Variants in GRAP2 observed in about 807,000 individuals in gnomAD.
GRAP2 encodes the protein GRB2-related adapter protein 2.
In GRAP2, 31 loss-of-function variants were observed where a neutral mutation model predicts 43.5. The ratio of observed to expected loss-of-function variants is 0.71; its 90% CI spans 0.54 to 0.96. The LOEUF is 0.96. GRAP2 is among the 40% of genes least tolerant of loss of function. The pLI is 0.00. For missense variants in GRAP2, 371 were observed against 424.4 expected, an observed-to-expected ratio of 0.87 and a Z score of 1.11; for synonymous variants, 156 against 164.8, an observed-to-expected ratio of 0.95 and a Z score of 0.41.
Position 39,947,093 on chromosome 22 carries a change from CT to C in GRAP2, c.-12del. The C allele has an allele frequency of 1.9e-6, 3 of 1,563,316 alleles. No homozygotes were observed. The highest frequency in any genetic ancestry group is 2.6e-6 in the Non-Finnish European group (3 of 1,133,550). On this transcript the variant is annotated splice_region_variant and 5_prime_UTR_variant, in exon 2 of 8. Coordinates refer to ENST00000344138, the MANE Select transcript of GRAP2 (RefSeq NM_004810.4). ...AATGACCACATTATTTCTCTTCCAG[CT>C]TCACGTTACAGCATGGAAGCTGTTG... is the stretch of plus-strand genomic sequence containing the variant.
chr22:39,947,377 C>T, intron 2 of GRAP2, 193 bp downstream of exon 2: 2 of 580,828 alleles, frequency 3.4e-6, no homozygotes, highest in Non-Finnish European at 6.3e-6. Flanking sequence ...GCATAAGCCA[C>T]CATCCTTGTC....
intron 1 of GRAP2, among the ~76,000 whole-genome samples, chr22:39,923,910 A>G (rs2066675262): frequency 6.6e-6 from 1 of 152,228 alleles, no homozygotes; most frequent in African/African-American, 2.4e-5. Flanking sequence ...CCATTGGATC[A>G]GTAGGGAAAT....
chr22:39,926,651 C>G (rs543432656), intron 1 of GRAP2: 28 of 985,090 alleles, frequency 2.8e-5, no homozygotes, highest in Non-Finnish European at 3.3e-5. Context: ...TCCTCAATCG[C>G]TGGCTCTCAG....
intron 5 of GRAP2, among the ~76,000 whole-genome samples, chr22:39,967,453 T>C (rs1407221241): frequency 6.6e-6 from 1 of 152,222 alleles, no homozygotes; most frequent in East Asian, 1.9e-4. Context: ...GGGTCCTACA[T>C]AATTGTTTGT....
chr22:39,908,578 G>A (rs558657957), intron 1 of GRAP2, among the ~76,000 whole-genome samples: 9 of 152,154 alleles, frequency 5.9e-5, no homozygotes, highest in East Asian at 3.9e-4. Context: ...TTTTTATTAC[G>A]AACAGTTATA....
upstream of GRAP2, among the ~76,000 whole-genome samples, chr22:39,897,082 C>T (rs924930120): frequency 4.6e-5 from 7 of 152,204 alleles, no homozygotes; most frequent in Non-Finnish European, 1.0e-4. Context: ...AAATACTCTT[C>T]GATTCTGACA....
intron 1 of GRAP2, among the ~76,000 whole-genome samples, chr22:39,901,989 C>T (rs2066496471): frequency 6.6e-6 from 1 of 152,196 alleles, no homozygotes; most frequent in Non-Finnish European, 1.5e-5. Flanking sequence ...ATTGAACATA[C>T]CAACCAAAGG....
At position 39,973,197 on chromosome 22, in the gene GRAP2, G is replaced by A. The variant is rs534104293; in HGVS notation, c.*2113G>A. 6.6e-6 allele frequency: 1 copy of A among 152,418 alleles called. No individual in the cohort carries two copies. The highest frequency in any genetic ancestry group is 1.5e-5 in the Non-Finnish European group (1 of 68,042). The allele number at this position is 152,418 out of a possible 1,614,324, so 9.4% of individuals were successfully genotyped here. A position where few individuals can be genotyped will look rare whatever the true frequency, so the allele number is the denominator to read the frequency against. Reference sequence around the variant, plus strand: ...ATTTACAAACCATATGCTTTAAACAGCCCACAAACTCCATCCAGTTGTCTG... The same window carrying A: ...ATTTACAAACCATATGCTTTAAACAACCCACAAACTCCATCCAGTTGTCTG... On this transcript the variant is annotated 3_prime_UTR_variant, in exon 8 of 8. Coordinates refer to ENST00000344138, the MANE Select transcript of GRAP2 (RefSeq NM_004810.4).
chr22:39,936,808 G>C (rs370873355), intron 1 of GRAP2, among the ~76,000 whole-genome samples: 1 of 152,144 alleles, frequency 6.6e-6, no homozygotes, highest in African/African-American at 2.4e-5. Context: ...GCCTTAAAGC[G>C]CATGATTGCT....
rs919486316 is a variant in GRAP2, at chr22:39,901,085, G to A, written c.-260G>A. 7 of 365,982 alleles carry A rather than the reference G, an allele frequency of 1.9e-5. No homozygotes were observed. Among genetic ancestry groups the A allele is most frequent in the Non-Finnish European group, 2.7e-5 (5 of 184,190 alleles). 22.7% of individuals were successfully genotyped at this position (365,982 alleles called of 1,614,324 possible). A position where few individuals can be genotyped will look rare whatever the true frequency, so the allele number is the denominator to read the frequency against. On this transcript the variant is annotated 5_prime_UTR_variant, in exon 1 of 8. Transcript: ENST00000344138. ...CTAGTTCCTGTGTGGTTTGCCTACA[G>A]ACTGCAGGGCTGACTAGGGTTAGTT... is the stretch of plus-strand genomic sequence containing the variant.
At position 39,969,469 on chromosome 22, in the gene GRAP2, G is replaced by A. The variant is rs761847486; in HGVS notation, c.749G>A (p.Ser250Asn). The change falls in exon 7 of 8, where the codon AGT becomes AAT. Residue 250 changes from serine to asparagine, a missense_variant. Physicochemically the swap from Ser to Asn is conservative, Grantham distance 46. Coordinates refer to ENST00000344138, the MANE Select transcript of GRAP2 (RefSeq NM_004810.4). Reference protein sequence around the residue: ...NDGHCGTGLGSEMNAALMHRR... With the variant: ...NDGHCGTGLGNEMNAALMHRR... Reference sequence around the variant, plus strand: ...GGGCATTGTGGCACCGGCTTGGGCAGTGAAATGAATGCGGCCCTCATGCAT... The same window carrying A: ...GGGCATTGTGGCACCGGCTTGGGCAATGAAATGAATGCGGCCCTCATGCAT... 1 of 1,614,092 alleles carries A rather than the reference G, an allele frequency of 6.2e-7. No homozygotes were observed. The highest frequency in any genetic ancestry group is 1.1e-5 in the South Asian group (1 of 91,084).
At chr22:39,898,705 C>T (rs1035011325), upstream of GRAP2, among the ~76,000 whole-genome samples, 6 of 151,994 alleles carry the variant, frequency 3.9e-5, no homozygotes, top group African/African-American at 9.7e-5. Context: ...CCCAGCTACT[C>T]GGGAGGCTGA....
chr22:39,942,789 CTAAAT>C (rs2066884285), intron 1 of GRAP2, among the ~76,000 whole-genome samples: 1 of 152,172 alleles, frequency 6.6e-6, no homozygotes, highest in African/African-American at 2.4e-5. Flanking sequence ...AACTTTGTCT[CTAAAT>C]TAATGAACTA....
intron 2 of GRAP2, among the ~76,000 whole-genome samples, chr22:39,951,667 C>G (rs909268397): frequency 1.3e-5 from 2 of 151,972 alleles, no homozygotes; most frequent in Non-Finnish European, 2.9e-5. Flanking sequence ...CAGGTTTACA[C>G]GATGGGTACA....
chr22:39,954,529 G>A (rs1325687522), intron 2 of GRAP2, among the ~76,000 whole-genome samples: 1 of 152,144 alleles, frequency 6.6e-6, no homozygotes, highest in Non-Finnish European at 1.5e-5. Flanking sequence ...CGAGTAGCTG[G>A]GATTACAGGC....
intron 1 of GRAP2, among the ~76,000 whole-genome samples, chr22:39,939,025 G>A (rs1371140770): frequency 6.6e-6 from 1 of 152,182 alleles, no homozygotes; most frequent in Non-Finnish European, 1.5e-5. Flanking sequence ...AGTCACTGGG[G>A]ACAAGAGAAA....
intron 2 of GRAP2, among the ~76,000 whole-genome samples, chr22:39,953,376 A>G (rs2067010612): frequency 6.6e-6 from 1 of 152,210 alleles, no homozygotes; most frequent in African/African-American, 2.4e-5. Flanking sequence ...CTCCCAAGCC[A>G]GAAATCCAGT....
At chr22:39,917,981 A>G (rs2066616601) in intron 1 of GRAP2, among the ~76,000 whole-genome samples, 1 of 152,182 alleles carries the variant, frequency 6.6e-6, no homozygotes, top group Non-Finnish European at 1.5e-5. Context: ...CCAAAATAAT[A>G]CATTTTCTGG....
At chr22:39,968,335 C>T in intron 6 of GRAP2, 63 bp downstream of exon 6, 1 of 1,564,188 alleles carries the variant, frequency 6.4e-7, no homozygotes, top group Non-Finnish European at 8.7e-7. Flanking sequence ...CCCCTCCAGG[C>T]CTGGCCCAGC....
Sources: gnomAD v4.1 joint callset for allele counts (sites outside exome capture counted in the v4.1 genomes callset) on GRCh38, gnomAD v4.1.1 for gene constraint, MANE v1.5 for transcripts, NCBI Gene and HGNC (gene_info 2026-07-23, HGNC 2026-07-21) for gene names.